Variants in FBF1 observed in about 807,000 individuals in gnomAD.
FBF1 encodes the protein Fas binding factor 1.
In FBF1, 119 loss-of-function variants were observed where a neutral mutation model predicts 147.2. The ratio of observed to expected loss-of-function variants is 0.81; its 90% CI spans 0.70 to 0.94. The LOEUF (loss-of-function observed/expected upper bound fraction) is 0.94, where lower values mean the gene tolerates loss of function less well. FBF1 is among the 40% of genes least tolerant of loss of function. The pLI is 0.00. For missense variants in FBF1, 1,449 were observed against 1,500.8 expected (o/e 0.97, Z 0.57); for synonymous variants, 601 against 609.0 (o/e 0.99, Z 0.19).
intron 3 of FBF1, among the ~76,000 whole-genome samples, chr17:75,936,305 C>T (rs373784196): frequency 3.3e-5 from 5 of 151,676 alleles, no homozygotes; most frequent in African/African-American, 9.7e-5. Context: ...CAGAGCGATA[C>T]GCCGTCTCAA....
chr17:75,922,826 G>A lies in FBF1; in HGVS notation c.1424+360C>T, dbSNP rs982761068. Among the ~76,000 whole-genome samples, 1 of 152,266 alleles carries A rather than the reference G, an allele frequency of 6.6e-6. No homozygotes were observed. Among genetic ancestry groups the A allele is most frequent in the Admixed American group, 6.5e-5 (1 of 15,290 alleles). ...AGTGGAGTCGGCAGAAGCACCGGCT[G>A]TTTGGATGCCGGGGCTTCCAGCCTG... On this transcript the variant is annotated intron_variant, in intron 14 of 29. Coordinates refer to ENST00000636174, the MANE Select transcript of FBF1 (RefSeq NM_001319193.2). The surrounding 1 kb of genome is among the most constrained non-coding windows in gnomAD (Gnocchi z 5.0).
In FBF1 at chr17:75,923,328, G is replaced by A. The variant is rs751549094; in HGVS notation, c.1282C>T (p.Arg428Ter). The change falls in exon 14 of 30, where the codon CGA becomes TGA. Residue 428 changes from arginine (R) to a stop codon, truncating the protein, a stop_gained. Transcript: ENST00000636174. LOFTEE classifies it high-confidence loss of function. The surrounding 1 kb of genome is among the most constrained non-coding windows in gnomAD (Gnocchi z 4.1). ...PAKASQASKL[R>*]ASKEEKEDWL... Reference sequence around the variant, plus strand: ...TCCTCTTTCTCCTCCTTGGAGGCTCGCAGCTTGGAAGCCTGGCTGGCTTTG... The same window carrying A: ...TCCTCTTTCTCCTCCTTGGAGGCTCACAGCTTGGAAGCCTGGCTGGCTTTG... 1.0e-5 allele frequency: 16 copies of A among 1,600,480 alleles called. No individual in the cohort carries two copies. Among genetic ancestry groups the A allele is most frequent in the East Asian group, 4.5e-5 (2 of 44,424 alleles).
Position 75,928,233 on chromosome 17 carries a change from T to C in FBF1, c.280-40A>G, listed in dbSNP as rs777391735. 8 of 1,569,084 alleles carry C rather than the reference T, an allele frequency of 5.1e-6. No homozygotes were observed. Among genetic ancestry groups the C allele is most frequent in the Non-Finnish European group, 1.8e-6 (2 of 1,139,968 alleles). On this transcript the variant is annotated intron_variant, in intron 7 of 29. Coordinates refer to ENST00000636174, the MANE Select transcript of FBF1 (RefSeq NM_001319193.2). This position sits in a 1 kb window ranked among gnomAD's most constrained non-coding sequence, Gnocchi z 4.2. The stretch of plus-strand genomic sequence containing the variant: ...AGGGAGGGCAGAGGACTATGTCTGA[T>C]AAGGGGCTGAGGACTTCCACCTGAG...
At chr17:75,940,534 G>T (rs2065657045) in intron 1 of FBF1, 2 of 152,838 alleles carry the variant, frequency 1.3e-5, no homozygotes, top group South Asian at 4.1e-4. Flanking sequence ...GGGATTACAG[G>T]CGTGAGCCAC....
chr17:75,934,690 C>T (rs938620515), intron 4 of FBF1, among the ~76,000 whole-genome samples: 2 of 151,658 alleles, frequency 1.3e-5, no homozygotes, highest in African/African-American at 4.8e-5. Context: ...ACCAGACTGA[C>T]CAACGTGGAG....
chr17:75,918,307 C>A lies in FBF1; in HGVS notation c.2139-38G>T. 1 of 1,547,004 alleles carries A rather than the reference C, an allele frequency of 6.5e-7. No homozygotes were observed. Among genetic ancestry groups the A allele is most frequent in the Non-Finnish European group, 8.9e-7 (1 of 1,127,048 alleles). On this transcript the variant is annotated intron_variant, in intron 20 of 29. Transcript: ENST00000636174. This position sits in a 1 kb window ranked among gnomAD's most constrained non-coding sequence, Gnocchi z 5.8. ...GGGAGGGGAAGGCGGTCACTCTGAGCTGGATCACCCTGATGCGGTAACTCC... is the reference window on the plus strand; with the variant it reads ...GGGAGGGGAAGGCGGTCACTCTGAGATGGATCACCCTGATGCGGTAACTCC...
In FBF1 at chr17:75,917,983, G is replaced by A; in HGVS notation, c.2334C>T (p.Thr778=). ...TCCCCAGCTCCCGCTCCTGGGAGGTGGTGAGGTGCGAGGCCTCCACGCGGG... is the reference window on the plus strand; with the variant it reads ...TCCCCAGCTCCCGCTCCTGGGAGGTAGTGAGGTGCGAGGCCTCCACGCGGG... ...LSSRVEASHL[T]TSQERELGIR... The change falls in exon 22 of 30, where the codon ACC becomes ACT. Residue 778 remains threonine (T), a synonymous_variant. Coordinates refer to ENST00000636174, the MANE Select transcript of FBF1 (RefSeq NM_001319193.2). 2 of 1,611,166 alleles carry A rather than the reference G, an allele frequency of 1.2e-6. No individual in the cohort carries two copies. The highest frequency in any genetic ancestry group is 1.7e-6 in the Non-Finnish European group (2 of 1,178,324).
chr17:75,913,688 C>G lies in FBF1; in HGVS notation c.3247+14G>C. The G allele has an allele frequency of 6.3e-7, 1 of 1,579,332 alleles. No individual in the cohort carries two copies. The highest frequency in any genetic ancestry group is 1.3e-5 in the African/African-American group (1 of 74,622). On this transcript the variant is annotated intron_variant, in intron 28 of 29. Transcript: ENST00000636174. Reference sequence around the variant, plus strand: ...AGTCCTGAGCCGCCGGCCCTTCCTTCTGGAGCCACTCACCACTCTGGCTGG... The same window carrying G: ...AGTCCTGAGCCGCCGGCCCTTCCTTGTGGAGCCACTCACCACTCTGGCTGG...
rs1336822671 is a variant in FBF1 at position 75,927,496 on chromosome 17, G to A, written c.434C>T (p.Pro145Leu). The A allele has an allele frequency of 6.2e-7, 1 of 1,604,634 alleles. No homozygotes were observed. Among genetic ancestry groups the A allele is most frequent in the South Asian group, 1.1e-5 (1 of 88,958 alleles). ...CCTGTTCTGATGCCCAGAGCTGCTG[G>A]GAGACGGAAGTGACTTCTTGGTGGG... ...AIPTKKSLPS[P>L]SSSGHQNRRF... is the part of the protein sequence containing the mutation. Residue 145 changes from proline (P) to leucine (L), a missense_variant, in exon 9 of 30, where the codon CCC (proline) becomes CTC (leucine). Physicochemically the swap from Pro to Leu is moderately conservative, Grantham distance 98 (BLOSUM62 -3). Coordinates refer to ENST00000636174, the MANE Select transcript of FBF1 (RefSeq NM_001319193.2).
chr17:75,919,184 G>A lies in FBF1; in HGVS notation c.2138+484C>T, dbSNP rs1485803525. On this transcript the variant is annotated intron_variant, in intron 20 of 29. Transcript: ENST00000636174. The surrounding 1 kb of genome is among the most constrained non-coding windows in gnomAD (Gnocchi z 5.0). Reference sequence around the variant, plus strand: ...GGCCTCCCAAAGTGCTGGGATTACAGGTGTGAGCCACTGCACCCGGCCCTG... The same window carrying A: ...GGCCTCCCAAAGTGCTGGGATTACAAGTGTGAGCCACTGCACCCGGCCCTG... 6.6e-6 allele frequency among the ~76,000 whole-genome samples: 1 copy of A among 152,208 alleles called. No individual in the cohort carries two copies. Among genetic ancestry groups the A allele is most frequent in the Non-Finnish European group, 1.5e-5 (1 of 68,044 alleles).
chr17:75,919,669 G>T lies in FBF1; in HGVS notation c.2137C>A (p.Arg713=). 6.3e-7 allele frequency: 1 copy of T among 1,596,068 alleles called. No individual in the cohort carries two copies. Residue 713 remains arginine, a splice_region_variant and synonymous_variant, in exon 20 of 30, where the codon CGG becomes AGG. Transcript: ENST00000636174. The surrounding 1 kb of genome is among the most constrained non-coding windows in gnomAD (Gnocchi z 5.0). ...CAGCTGCCTGTCCCTGGGCCTCACC[G>T]CTGCAGCTCCCGGAGCCGCTCCATT... is the stretch of plus-strand genomic sequence containing the variant. The part of the protein sequence containing the change: ...QEMERLRELQ[R]ASILDMRRDH...
In FBF1 at chr17:75,910,702, G is replaced by T. The variant is rs922328275; in HGVS notation, c.*21C>A. Reference sequence around the variant, plus strand: ...GTTCTGGGGTCCGAACCCTCTGTTGGGGAATCGGCTGGGGTCCCACTCAGG... The same window carrying T: ...GTTCTGGGGTCCGAACCCTCTGTTGTGGAATCGGCTGGGGTCCCACTCAGG... On this transcript the variant is annotated 3_prime_UTR_variant, in exon 30 of 30. Coordinates refer to ENST00000636174, the MANE Select transcript of FBF1 (RefSeq NM_001319193.2). The surrounding 1 kb of genome is among the most constrained non-coding windows in gnomAD (Gnocchi z 4.1). 6.3e-7 allele frequency: 1 copy of T among 1,596,816 alleles called. No homozygotes were observed. Among genetic ancestry groups the T allele is most frequent in the East Asian group, 2.3e-5 (1 of 44,284 alleles).
rs1003768999 is a variant in FBF1 at position 75,928,019 on chromosome 17, C to T, written c.397+57G>A. 1 of 1,422,298 alleles carries T rather than the reference C, an allele frequency of 7.0e-7. No individual in the cohort carries two copies. Among genetic ancestry groups the T allele is most frequent in the East Asian group, 2.3e-5 (1 of 43,796 alleles). 88.1% of individuals were successfully genotyped at this position (1,422,298 alleles called of 1,614,324 possible). On this transcript the variant is annotated intron_variant, in intron 8 of 29. Coordinates refer to ENST00000636174, the MANE Select transcript of FBF1 (RefSeq NM_001319193.2). The surrounding 1 kb of genome is among the most constrained non-coding windows in gnomAD (Gnocchi z 4.2). ...GCATCTTCCACGTCCTCAAAGTCTC[C>T]CTAGCAGATGCGAGGAGCCGTCTCC...
In FBF1 at chr17:75,926,960, G is replaced by A. The variant is rs1022970899; in HGVS notation, c.476-83C>T. 9.1e-6 allele frequency: 14 copies of A among 1,532,936 alleles called. No homozygotes were observed. The East Asian group carries it at 2.4e-4, about 27-fold the overall frequency. The allele number at this position is 1,532,936 out of a possible 1,614,324, so 95.0% of individuals were successfully genotyped here. The stretch of plus-strand genomic sequence containing the variant: ...GCCTGAACTGGGGAGCAGCGCTCGA[G>A]TCAAGGCTTCTAGCTGCTCCAGTAC... On this transcript the variant is annotated intron_variant, in intron 9 of 29. Transcript: ENST00000636174.
rs1567858902 is a variant in FBF1 at position 75,918,091 on chromosome 17, C to T, written c.2247-21G>A. On this transcript the variant is annotated intron_variant, in intron 21 of 29. Transcript: ENST00000636174. This position sits in a 1 kb window ranked among gnomAD's most constrained non-coding sequence, Gnocchi z 5.8. Reference sequence around the variant, plus strand: ...GGGACCTGGAAGAAGACTGGGTCACCCCCTCCTGACGGTCTCGGGGACCTT... The same window carrying T: ...GGGACCTGGAAGAAGACTGGGTCACTCCCTCCTGACGGTCTCGGGGACCTT... 1 of 1,605,612 alleles carries T rather than the reference C, an allele frequency of 6.2e-7. No homozygotes were observed. The highest frequency in any genetic ancestry group is 1.7e-5 in the Admixed American group (1 of 59,414).
chr17:75,914,450 G>T, intron 25 of FBF1, 152 bp from the exon 26 acceptor site: 6 of 1,222,952 alleles, frequency 4.9e-6, no homozygotes, highest in Non-Finnish European at 6.6e-6. Flanking sequence ...CTGGGGCCAA[G>T]CCGGAGTGCT....
Position 75,919,099 on chromosome 17 carries a change from G to C in FBF1, c.2138+569C>G, listed in dbSNP as rs1042907921. 2.1e-4 allele frequency among the ~76,000 whole-genome samples: 32 copies of C among 151,238 alleles called. No individual in the cohort carries two copies. The highest frequency in any genetic ancestry group is 7.8e-4 in the African/African-American group (32 of 41,218). On this transcript the variant is annotated intron_variant, in intron 20 of 29. Coordinates refer to ENST00000636174, the MANE Select transcript of FBF1 (RefSeq NM_001319193.2). The surrounding 1 kb of genome is among the most constrained non-coding windows in gnomAD (Gnocchi z 5.0). ...TTTAAAAATTGTTTTTAGAGATGAG[G>C]TCTCACTGTGTTGCCCAGACTGGTC...
Position 75,930,145 on chromosome 17 carries a change from A to G in FBF1, c.229-98T>C. ...TGGCCCCTTGCTTCTGTTAGGGCAG[A>G]CGGCGCGGCAGGAGCAGAGCTTGGC... On this transcript the variant is annotated intron_variant, in intron 6 of 29. Coordinates refer to ENST00000636174, the MANE Select transcript of FBF1 (RefSeq NM_001319193.2). The G allele has an allele frequency of 3.3e-6, 3 of 915,376 alleles. No individual in the cohort carries two copies. The South Asian group carries it at 4.3e-5, about 13-fold the overall frequency. 56.7% of individuals were successfully genotyped at this position (915,376 alleles called of 1,614,324 possible).
rs373140910 is a variant in FBF1, at chr17:75,920,021, G to A, written c.1917C>T (p.Ile639=). The change falls in exon 19 of 30, where the codon ATC becomes ATT. Residue 639 remains isoleucine, a synonymous_variant. Coordinates refer to ENST00000636174, the MANE Select transcript of FBF1 (RefSeq NM_001319193.2). ...CGCCAGGGTACCTGTGTGCACTCTC[G>A]ATGAGCTCCAGGTCTGCCTGGTGCT... ...QQQHQADLEL[I]ESAHRSRIKV... 3 of 1,606,006 alleles carry A rather than the reference G, an allele frequency of 1.9e-6. No homozygotes were observed. Among genetic ancestry groups the A allele is most frequent in the Non-Finnish European group, 2.6e-6 (3 of 1,176,452 alleles).
Sources: allele counts gnomAD v4.1 joint callset (sites outside exome capture counted in the v4.1 genomes callset), GRCh38; gene constraint gnomAD v4.1.1; non-coding constraint Gnocchi (gnomAD v3.1); transcripts MANE v1.5; gene names NCBI Gene and HGNC (gene_info 2026-07-23, HGNC 2026-07-21).